The following ROR1 variants were observed in gnomAD, a reference collection of about 807,000 sequenced individuals.
ROR1 encodes the protein inactive tyrosine-protein kinase transmembrane receptor ROR1.
Under a neutral mutation model 78.8 loss-of-function variants are expected in ROR1, and 19 were observed. That is an observed-to-expected ratio of 0.24 (90% CI 0.17 to 0.35). The LOEUF is 0.35. Among genes scored for constraint, ROR1 ranks in the 10% least tolerant of loss-of-function variants. The probability of loss-of-function intolerance (pLI) is 1.00; values close to 1 mark genes in which losing one functional copy is unlikely to be tolerated. For synonymous variants in ROR1, 386 were observed against 433.6 expected (o/e 0.89, Z 1.36); for missense variants, 917 against 1,177.8 (o/e 0.78, Z 3.24).
chr1:63,919,833 C>CT (rs1293120656), intron 1 of ROR1, among the ~76,000 whole-genome samples: 1 of 152,160 alleles, frequency 6.6e-6, no homozygotes, highest in African/African-American at 2.4e-5. Flanking sequence ...TGATCTATAA[C>CT]TTAAAGCTTC....
At chr1:63,852,484 A>G (rs1049603360) in intron 1 of ROR1, among the ~76,000 whole-genome samples, 4 of 152,244 alleles carry the variant, frequency 2.6e-5, no homozygotes, top group Non-Finnish European at 5.9e-5. Flanking sequence ...TCGGTCTGTC[A>G]TCTTGGAAAA....
At position 64,181,404 on chromosome 1, in the gene ROR1, A is replaced by G. The variant is rs951906974; in HGVS notation, c.*2549A>G. The G allele has an allele frequency of 1.3e-5, 2 of 152,202 alleles. No homozygotes were observed. Among genetic ancestry groups the G allele is most frequent in the African/African-American group, 4.8e-5 (2 of 41,474 alleles). 9.4% of individuals were successfully genotyped at this position (152,202 alleles called of 1,614,324 possible). On this transcript the variant is annotated 3_prime_UTR_variant, in exon 9 of 9. Coordinates refer to ENST00000371079, the MANE Select transcript of ROR1 (RefSeq NM_005012.4). ...TGTAATGACAAAAAGGCTATTTTATATTAAGGATATATGCATTTGTATTTC... is the reference window on the plus strand; with the variant it reads ...TGTAATGACAAAAAGGCTATTTTATGTTAAGGATATATGCATTTGTATTTC...
chr1:63,789,289 G>A (rs936005595), intron 1 of ROR1: 9 of 543,402 alleles, frequency 1.7e-5, no homozygotes, highest in Non-Finnish European at 6.8e-6. Flanking sequence ...CTCTTCTGAA[G>A]CCTGAGCATA....
intron 1 of ROR1, among the ~76,000 whole-genome samples, chr1:63,821,111 G>A (rs1270775892): frequency 6.6e-6 from 1 of 152,170 alleles, no homozygotes; most frequent in Non-Finnish European, 1.5e-5. Flanking sequence ...GGGGGAGGAA[G>A]CACTAGAACT....
intron 4 of ROR1, among the ~76,000 whole-genome samples, chr1:64,087,302 TG>T (rs1647162751): frequency 6.6e-6 from 1 of 152,190 alleles, no homozygotes; most frequent in South Asian, 2.1e-4. Context: ...TTGACTAGCA[TG>T]AGGAGGGTAG....
At chr1:63,833,974 G>T (rs374474891) in intron 1 of ROR1, among the ~76,000 whole-genome samples, 130 of 145,210 alleles carry the variant, frequency 9.0e-4, no homozygotes, top group African/African-American at 2.8e-3. Context: ...GCTTTTTTTT[G>T]ACTTTTCTTC....
chr1:64,016,688 G>C (rs1646522862), intron 2 of ROR1, among the ~76,000 whole-genome samples: 1 of 148,536 alleles, frequency 6.7e-6, no homozygotes, highest in Non-Finnish European at 1.5e-5. Context: ...TTTTGTTTGT[G>C]TGTGTGTATA....
chr1:64,149,806 G>T (rs1455113084), intron 7 of ROR1, among the ~76,000 whole-genome samples: 3 of 152,198 alleles, frequency 2.0e-5, no homozygotes, highest in Non-Finnish European at 4.4e-5. Context: ...CTGGCATCTA[G>T]GCACACTGCC....
At chr1:64,119,281 G>A (rs965017463) in intron 4 of ROR1, among the ~76,000 whole-genome samples, 7 of 152,158 alleles carry the variant, frequency 4.6e-5, no homozygotes, top group Admixed American at 4.6e-4. Flanking sequence ...CAGTGGAAGG[G>A]AAAGTATATA....
chr1:64,058,202 G>T (rs539752529), intron 4 of ROR1, among the ~76,000 whole-genome samples: 3 of 152,092 alleles, frequency 2.0e-5, no homozygotes, highest in African/African-American at 7.2e-5. Context: ...TTGCTAACTT[G>T]CTTCTTAGCT....
intron 1 of ROR1, among the ~76,000 whole-genome samples, chr1:63,823,590 G>A (rs951540528): frequency 3.3e-5 from 5 of 151,258 alleles, no homozygotes; most frequent in African/African-American, 1.2e-4. Context: ...TCTGGGACTA[G>A]GAGTCCGTGC....
intron 1 of ROR1, among the ~76,000 whole-genome samples, chr1:63,876,741 C>T (rs966204089): frequency 2.6e-4 from 39 of 150,068 alleles, no homozygotes; most frequent in Admixed American, 1.9e-3. Context: ...CTCTTTCTTC[C>T]TCTTCTTTTT....
intron 1 of ROR1, among the ~76,000 whole-genome samples, chr1:63,971,045 A>G (rs908677624): frequency 2.0e-5 from 3 of 152,216 alleles, no homozygotes; most frequent in Admixed American, 2.0e-4. Flanking sequence ...TGGTTGCTGG[A>G]GGACCCAGCC....
At chr1:63,917,163 C>T (rs761933505) in intron 1 of ROR1, among the ~76,000 whole-genome samples, 1 of 152,166 alleles carries the variant, frequency 6.6e-6, no homozygotes, top group Non-Finnish European at 1.5e-5. Context: ...TGGCTCCTGT[C>T]CCAGTTTATA....
intron 4 of ROR1, among the ~76,000 whole-genome samples, chr1:64,051,277 C>T (rs965099286): frequency 1.3e-5 from 2 of 151,544 alleles, no homozygotes; most frequent in African/African-American, 4.8e-5. Context: ...TGGTGAAACC[C>T]GTCTCTACTA....
At chr1:64,028,000 A>G (rs1274496259) in intron 2 of ROR1, among the ~76,000 whole-genome samples, 7 of 152,076 alleles carry the variant, frequency 4.6e-5, no homozygotes, top group Admixed American at 6.6e-5. Flanking sequence ...TTTAGTTCCT[A>G]TCTAAGATGT....
chr1:64,171,676 A>T (rs149302706), intron 8 of ROR1, among the ~76,000 whole-genome samples: 47 of 152,258 alleles, frequency 3.1e-4, no homozygotes, highest in African/African-American at 1.1e-3. Context: ...ATGAATATGG[A>T]TCCTGTTTCA....
chr1:63,895,117 T>C (rs1049332344), intron 1 of ROR1, among the ~76,000 whole-genome samples: 2 of 152,210 alleles, frequency 1.3e-5, no homozygotes, highest in Non-Finnish European at 2.9e-5. Context: ...TTAGAAAAGT[T>C]TATCAAGCTT....
chr1:63,951,190 G>T (rs963642420), intron 1 of ROR1, among the ~76,000 whole-genome samples: 9 of 152,134 alleles, frequency 5.9e-5, no homozygotes, highest in Admixed American at 3.3e-4. Context: ...GAGGTAAAGA[G>T]GACAGTTAAT....
Sources: allele counts gnomAD v4.1 joint callset (sites outside exome capture counted in the v4.1 genomes callset), GRCh38; gene constraint gnomAD v4.1.1; transcripts MANE v1.5; gene names NCBI Gene and HGNC (gene_info 2026-07-23, HGNC 2026-07-21).